The following RUNX2 variants were observed in gnomAD, a reference collection of about 807,000 sequenced individuals.
The protein encoded by RUNX2 is runt-related transcription factor 2.
Under a neutral mutation model 51.7 loss-of-function variants are expected in RUNX2, and 10 were observed. The ratio of observed to expected loss-of-function variants is 0.19; its 90% confidence interval spans 0.12 to 0.33. The LOEUF (loss-of-function observed/expected upper bound fraction) is 0.33. Among genes scored for constraint, RUNX2 ranks in the 10% least tolerant of loss-of-function variants. The pLI, the probability that RUNX2 is intolerant of heterozygous loss-of-function variation, is 1.00. For synonymous variants in RUNX2, 276 were observed against 273.6 expected (o/e 1.01, Z -0.09); for missense variants, 562 against 691.3 (o/e 0.81, Z 2.10).
rs61501897 is a variant in RUNX2 at position 45,508,220 on chromosome 6, CTTTTTTTT to C, written c.860-4008_860-4001del. On this transcript the variant is annotated intron_variant, in intron 6 of 8. Transcript: ENST00000647337. ...CCCCATATGGCAGTTCTTATATTTC[CTTTTTTTT>C]TTTTTTTTTTTTTTTTTGAGATGCA... Among the ~76,000 whole-genome samples the C allele has an allele frequency of 2.6e-3, 173 of 65,694 alleles. 1 individual carries two copies. Among genetic ancestry groups the C allele is most frequent in the Admixed American group, 6.9e-3 (31 of 4,478 alleles). The allele number at this position is 65,694 out of a possible 152,430, so 43.1% of individuals were successfully genotyped here.
chr6:45,470,361 A>G (rs2150392703), intron 5 of RUNX2, among the ~76,000 whole-genome samples: 1 of 152,336 alleles, frequency 6.6e-6, no homozygotes, highest in South Asian at 2.1e-4. Flanking sequence ...GCTTGATAGA[A>G]AAATGCCAGA....
intron 2 of RUNX2, among the ~76,000 whole-genome samples, chr6:45,333,705 T>C (rs539952151): frequency 1.3e-5 from 2 of 151,462 alleles, no homozygotes; most frequent in African/African-American, 4.8e-5. Flanking sequence ...AGATGAGCTG[T>C]AGAATTAAAA....
chr6:45,473,588 C>T (rs1799869434), intron 5 of RUNX2, among the ~76,000 whole-genome samples: 1 of 152,144 alleles, frequency 6.6e-6, no homozygotes, highest in Non-Finnish European at 1.5e-5. Flanking sequence ...GGGTATGGTA[C>T]ATAAAAATGG....
chr6:45,540,297 C>A (rs1802180260), intron 7 of RUNX2, among the ~76,000 whole-genome samples: 2 of 152,114 alleles, frequency 1.3e-5, no homozygotes, highest in African/African-American at 4.8e-5. Flanking sequence ...GTTTTAAGGC[C>A]CTGCTGCCTG....
At chr6:45,430,917 G>A (rs1052771426) in intron 3 of RUNX2, among the ~76,000 whole-genome samples, 2 of 152,180 alleles carry the variant, frequency 1.3e-5, no homozygotes, top group Admixed American at 6.5e-5. Context: ...ATTAGGAGGA[G>A]TGTTTCATAT....
At chr6:45,416,199 T>C (rs1798066408) in intron 2 of RUNX2, among the ~76,000 whole-genome samples, 1 of 152,254 alleles carries the variant, frequency 6.6e-6, no homozygotes, top group South Asian at 2.1e-4. Context: ...AGTTGAACTC[T>C]TACTATTCTA....
intron 4 of RUNX2, among the ~76,000 whole-genome samples, chr6:45,433,268 T>G (rs1472416333): frequency 1.3e-5 from 2 of 152,226 alleles, no homozygotes; most frequent in African/African-American, 4.8e-5. Flanking sequence ...TTTAGTTAAC[T>G]TTCATAAAAA....
chr6:45,445,490 A>C (rs1798967355), intron 5 of RUNX2, among the ~76,000 whole-genome samples: 1 of 151,952 alleles, frequency 6.6e-6, no homozygotes, highest in Non-Finnish European at 1.5e-5. Flanking sequence ...ATTTGAAAAA[A>C]CCTTGATAGC....
chr6:45,379,043 ATCCCT>A (rs1029975113), intron 2 of RUNX2, among the ~76,000 whole-genome samples: 3 of 152,118 alleles, frequency 2.0e-5, no homozygotes, highest in Non-Finnish European at 2.9e-5. Flanking sequence ...GAGTTCTGAA[ATCCCT>A]TCCTTCTATT....
chr6:45,369,834 C>A (rs1467775695), intron 2 of RUNX2, among the ~76,000 whole-genome samples: 1 of 151,994 alleles, frequency 6.6e-6, no homozygotes, highest in African/African-American at 2.4e-5. Flanking sequence ...ATCAAAAAAA[C>A]AAGTTGATTT....
At chr6:45,343,698 TG>T (rs1286374018) in intron 2 of RUNX2, among the ~76,000 whole-genome samples, 1 of 152,150 alleles carries the variant, frequency 6.6e-6, no homozygotes, top group East Asian at 1.9e-4. Context: ...ACCACAAGCT[TG>T]TGAAAAGCCT....
At chr6:45,498,396 GATA>G (rs1323904307) in intron 6 of RUNX2, among the ~76,000 whole-genome samples, 1 of 152,180 alleles carries the variant, frequency 6.6e-6, no homozygotes, top group Non-Finnish European at 1.5e-5. Flanking sequence ...TCCCTATCAA[GATA>G]GGTTGGGCTT....
chr6:45,393,609 T>C (rs577230183), intron 2 of RUNX2, among the ~76,000 whole-genome samples: 2 of 152,158 alleles, frequency 1.3e-5, no homozygotes, highest in East Asian at 3.9e-4. Flanking sequence ...TTCGTATTTT[T>C]AGTAGAGACG....
chr6:45,380,810 T>C (rs1216712686), intron 2 of RUNX2, among the ~76,000 whole-genome samples: 1 of 152,106 alleles, frequency 6.6e-6, no homozygotes, highest in Non-Finnish European at 1.5e-5. Flanking sequence ...CTCCTGACCT[T>C]GTGATCTGCC....
chr6:45,547,739 C>T lies in RUNX2; in HGVS notation c.*434C>T, dbSNP rs1319052296. On this transcript the variant is annotated 3_prime_UTR_variant, in exon 9 of 9. Transcript: ENST00000647337. The stretch of plus-strand genomic sequence containing the variant: ...CCTCACGGTGGCAGCTGTGTATGGA[C>T]CAGTGCCCTCCGCAGACAGCTCACA... 3.8e-6 allele frequency: 1 copy of T among 264,244 alleles called. No individual in the cohort carries two copies. The highest frequency in any genetic ancestry group is 5.1e-5 in the Admixed American group (1 of 19,614). 16.4% of individuals were successfully genotyped at this position (264,244 alleles called of 1,614,324 possible).
rs995270672 is a variant in RUNX2 at position 45,355,298 on chromosome 6, A to G, written c.58+26514A>G. On this transcript the variant is annotated intron_variant, in intron 2 of 8. Transcript: ENST00000647337. ...TTTAATTTAATTTAATTTAATAATT[A>G]AGGTGTTAATTATGAACTTTCTGTA... Among the ~76,000 whole-genome samples, 4 of 152,168 alleles carry G rather than the reference A, an allele frequency of 2.6e-5. No homozygotes were observed. In the South Asian group the frequency reaches 8.3e-4, roughly 32 times the overall value.
intron 2 of RUNX2, among the ~76,000 whole-genome samples, chr6:45,369,503 T>C (rs1018745170): frequency 3.3e-5 from 5 of 152,154 alleles, no homozygotes; most frequent in Admixed American, 2.6e-4. Flanking sequence ...CTATGGACAG[T>C]TGACATCATC....
At chr6:45,486,105 G>A (rs1168480225) in intron 5 of RUNX2, among the ~76,000 whole-genome samples, 4 of 151,984 alleles carry the variant, frequency 2.6e-5, no homozygotes, top group African/African-American at 9.7e-5. Context: ...CTATATGTTA[G>A]CCCTTCTGAA....
intron 2 of RUNX2, among the ~76,000 whole-genome samples, chr6:45,386,951 C>T (rs1316958525): frequency 1.3e-5 from 2 of 151,792 alleles, no homozygotes; most frequent in Non-Finnish European, 2.9e-5. Context: ...TTTTAGTTGA[C>T]AGTAATGTGT....
Sources: gnomAD v4.1 joint callset for allele counts (sites outside exome capture counted in the v4.1 genomes callset) on GRCh38, gnomAD v4.1.1 for gene constraint, MANE v1.5 for transcripts, NCBI Gene and HGNC (gene_info 2026-07-23, HGNC 2026-07-21) for gene names.